The following CEP63 variants were observed in gnomAD, a reference collection of about 807,000 sequenced individuals.
CEP63 encodes the protein centrosomal protein 63.
A neutral mutation model predicts 89.1 loss-of-function variants in CEP63; 84 were observed. That is an observed-to-expected ratio of 0.94 (90% CI 0.79 to 1.13). The LOEUF is 1.13. Ranked by LOEUF, CEP63 falls within the 50% of genes most tolerant of loss-of-function variation. CEP63 has a pLI of 0.00. For synonymous variants in CEP63, 267 were observed against 272.5 expected (o/e 0.98, Z 0.20); for missense variants, 838 against 813.3 (o/e 1.03, Z -0.37).
chr3:134,592,703 A>G (rs904071728), downstream of CEP63, among the ~76,000 whole-genome samples: 2 of 152,178 alleles, frequency 1.3e-5, no homozygotes, highest in South Asian at 2.1e-4. Flanking sequence ...GTTAAATAAC[A>G]TCAGGGTTTG....
intron 3 of CEP63, among the ~76,000 whole-genome samples, chr3:134,531,507 G>C (rs1421979909): frequency 6.6e-6 from 1 of 152,064 alleles, no homozygotes; most frequent in Non-Finnish European, 1.5e-5. Flanking sequence ...GTTTAAACTT[G>C]GGAGGCAGAG....
chr3:134,697,977 G>A, the CEP63 span, among the ~76,000 whole-genome samples: 3 of 152,198 alleles, frequency 2.0e-5, no homozygotes, highest in Admixed American at 6.5e-5. Context: ...GTTAGGACAC[G>A]AGTGTCAGAT....
chr3:134,491,535 T>C (rs1292124820), intron 1 of CEP63, among the ~76,000 whole-genome samples: 1 of 152,236 alleles, frequency 6.6e-6, no homozygotes, highest in East Asian at 1.9e-4. Context: ...TAAAAGTTTG[T>C]TTTTATGTAC....
At chr3:134,599,016 G>A in the CEP63 span, among the ~76,000 whole-genome samples, 22 of 152,228 alleles carry the variant, frequency 1.4e-4, no homozygotes, top group African/African-American at 5.1e-4. Context: ...TCTGCCAGGG[G>A]CTCCAGGGGC....
intron 2 of CEP63, among the ~76,000 whole-genome samples, chr3:134,503,100 C>T (rs1416118850): frequency 2.9e-3 from 269 of 91,870 alleles, no homozygotes; most frequent in East Asian, 5.5e-3. Flanking sequence ...TGATTTCAAT[C>T]TTTTTTTTTT....
intron 6 of CEP63, among the ~76,000 whole-genome samples, 171 bp downstream of exon 6, chr3:134,537,439 C>T (rs1438415685): frequency 1.3e-5 from 2 of 152,158 alleles, no homozygotes; most frequent in Admixed American, 6.6e-5. Flanking sequence ...TCCTTCTTCC[C>T]GCCTGCCCTC....
rs1357766433 is a variant in CEP63, at chr3:134,523,219, C to G, written c.223-8626C>G. ...TGCCTTCTTTTGAAATGTGTCTGTT[C>G]ATATCTTTTGCCCAGTTTTTAGTGG... On this transcript the variant is annotated intron_variant, in intron 3 of 14. Transcript: ENST00000675561. 1.1e-4 allele frequency among the ~76,000 whole-genome samples: 16 copies of G among 152,054 alleles called. 1 individual carries two copies. The highest frequency in any genetic ancestry group is 1.0e-3 in the Admixed American group (16 of 15,278).
the CEP63 span, among the ~76,000 whole-genome samples, chr3:134,679,871 C>T: frequency 6.6e-5 from 10 of 152,098 alleles, no homozygotes; most frequent in Non-Finnish European, 1.3e-4. Context: ...TACAGGAGTG[C>T]GCCACCACAT....
chr3:134,539,311 G>A (rs927623295), intron 6 of CEP63, among the ~76,000 whole-genome samples: 11 of 152,022 alleles, frequency 7.2e-5, no homozygotes, highest in Non-Finnish European at 1.2e-4. Context: ...TTAACTATAT[G>A]TACACTGTTG....
the CEP63 span, among the ~76,000 whole-genome samples, chr3:134,595,768 G>A: frequency 6.2e-4 from 94 of 152,278 alleles, no homozygotes; most frequent in Middle Eastern, 3.4e-3. Flanking sequence ...ATACCACTTC[G>A]TGGTGCTTTG....
the CEP63 span, among the ~76,000 whole-genome samples, chr3:134,689,161 C>G: frequency 1.3e-5 from 2 of 151,780 alleles, no homozygotes; most frequent in Non-Finnish European, 2.9e-5. Flanking sequence ...CTCTCTCTCT[C>G]ATTTTCATAA....
At chr3:134,769,271 C>G in the CEP63 span, among the ~76,000 whole-genome samples, 1 of 152,138 alleles carries the variant, frequency 6.6e-6, no homozygotes, top group African/African-American at 2.4e-5. Context: ...AATTCTTGGG[C>G]CCCACCTCAG....
At chr3:134,531,436 C>T (rs992034320) in intron 3 of CEP63, among the ~76,000 whole-genome samples, 2 of 151,798 alleles carry the variant, frequency 1.3e-5, no homozygotes, top group African/African-American at 4.8e-5. Flanking sequence ...TATAAAAATT[C>T]GCCAGGTGTG....
At chr3:134,580,749 T>A (rs945652450) in intron 10 of CEP63, among the ~76,000 whole-genome samples, 1 of 152,218 alleles carries the variant, frequency 6.6e-6, no homozygotes, top group Non-Finnish European at 1.5e-5. Flanking sequence ...AAGGTTGATA[T>A]AACATTTGAG....
the CEP63 span, chr3:134,608,297 A>G: frequency 8.2e-7 from 1 of 1,223,760 alleles, no homozygotes; most frequent in Non-Finnish European, 1.0e-6. Flanking sequence ...AGAGAGACTC[A>G]CCCAGCTAGG....
chr3:134,670,001 T>C, the CEP63 span, among the ~76,000 whole-genome samples: 2 of 152,098 alleles, frequency 1.3e-5, no homozygotes, highest in African/African-American at 4.8e-5. Context: ...CCCTGAGAGC[T>C]CCCTTGCCCT....
At chr3:134,542,817 C>G (rs1258485458) in intron 6 of CEP63, among the ~76,000 whole-genome samples, 1 of 151,860 alleles carries the variant, frequency 6.6e-6, no homozygotes, top group Non-Finnish European at 1.5e-5. Flanking sequence ...TGCTTCTTTA[C>G]TTTTAACCAC....
chr3:134,499,945 T>G (rs1313555507), intron 2 of CEP63, among the ~76,000 whole-genome samples: 1 of 150,578 alleles, frequency 6.6e-6, no homozygotes, highest in East Asian at 2.0e-4. Context: ...TGTCTCAGCC[T>G]TGCAAGTAGC....
chr3:134,734,726 A>G, the CEP63 span, among the ~76,000 whole-genome samples: 221 of 152,296 alleles, frequency 1.5e-3, 1 homozygote, highest in African/African-American at 5.2e-3. Context: ...TTGTCATGGT[A>G]TTTATGTTCT....
Sources: allele counts gnomAD v4.1 joint callset (sites outside exome capture counted in the v4.1 genomes callset), GRCh38; gene constraint gnomAD v4.1.1; transcripts MANE v1.5; gene names NCBI Gene and HGNC (gene_info 2026-07-23, HGNC 2026-07-21).